Variants in TRAF3IP3 observed in about 807,000 individuals in gnomAD.
TRAF3IP3 encodes the protein TRAF3-interacting JNK-activating modulator.
Under a neutral mutation model 86.5 loss-of-function variants are expected in TRAF3IP3, and 64 were observed. The ratio of observed to expected loss-of-function variants is 0.74; its 90% CI spans 0.60 to 0.91. The LOEUF (loss-of-function observed/expected upper bound fraction) is 0.91, where lower values mean the gene tolerates loss of function less well. TRAF3IP3 is among the 40% of genes least tolerant of loss of function. The pLI, the probability that TRAF3IP3 is intolerant of heterozygous loss-of-function variation, is 0.00. For synonymous variants in TRAF3IP3, 220 were observed against 243.9 expected (o/e 0.90, Z 0.91); for missense variants, 579 against 642.9 (o/e 0.90, Z 1.07).
Position 209,760,055 on chromosome 1 carries a change from C to T in TRAF3IP3, c.16C>T (p.Pro6Ser), listed in dbSNP as rs151094826. 6.6e-4 allele frequency: 1,057 copies of T among 1,613,660 alleles called. 3 individuals are homozygous for T. Among genetic ancestry groups the T allele is most frequent in the Non-Finnish European group, 8.7e-4 (1,027 of 1,179,770 alleles). MISPDPRPSPGLARWA... is the reference protein window; with the variant it reads MISPDSRPSPGLARWA... ...GGAGGTCATCATGATCAGCCCAGAC[C>T]CCAGGCCCTCCCCTGGCTTGGCCCG... is the stretch of plus-strand genomic sequence containing the variant. The change falls in exon 3 of 17, where the codon CCC becomes TCC. Residue 6 changes from proline (P) to serine (S), a missense_variant. By Grantham distance (74) the Pro-to-Ser change is moderately conservative. Coordinates refer to ENST00000367025, the MANE Select transcript of TRAF3IP3 (RefSeq NM_025228.4).
intron 12 of TRAF3IP3, 109 bp from the exon 13 acceptor site, chr1:209,778,002 C>T: frequency 1.0e-6 from 1 of 959,688 alleles, no homozygotes. Context: ...CCAATAGACA[C>T]ACGTTAAAGA....
chr1:209,777,344 C>T lies in TRAF3IP3; in HGVS notation c.1054-8C>T. The T allele has an allele frequency of 6.2e-7, 1 of 1,613,142 alleles. No individual in the cohort carries two copies. On this transcript the variant is annotated splice_region_variant and splice_polypyrimidine_tract_variant and intron_variant, in intron 11 of 16. Transcript: ENST00000367025. Reference sequence around the variant, plus strand: ...TCCTTCTATATTGGCCCTTCCTCCTCCTTACAGGGAGCAGATAGCAGGGAC... The same window carrying T: ...TCCTTCTATATTGGCCCTTCCTCCTTCTTACAGGGAGCAGATAGCAGGGAC...
chr1:209,779,746 G>C, intron 14 of TRAF3IP3: 1 of 554,186 alleles, frequency 1.8e-6, no homozygotes, highest in Non-Finnish European at 3.2e-6. Flanking sequence ...TCAACTCACT[G>C]TTAGCCCTAG....
chr1:209,770,333 G>A (rs2077441490), intron 8 of TRAF3IP3, among the ~76,000 whole-genome samples: 1 of 152,096 alleles, frequency 6.6e-6, no homozygotes, highest in Non-Finnish European at 1.5e-5. Context: ...GTGGAGGTGT[G>A]TGTGTGGAGA....
chr1:209,776,066 C>T lies in TRAF3IP3; in HGVS notation c.1053+330C>T, dbSNP rs570417256. Reference sequence around the variant, plus strand: ...CTCTCCAAACTCCATCCCAAAAAAGCATCCAGTTCAGAATTGCCCACTGTT... The same window carrying T: ...CTCTCCAAACTCCATCCCAAAAAAGTATCCAGTTCAGAATTGCCCACTGTT... On this transcript the variant is annotated intron_variant, in intron 11 of 16. Coordinates refer to ENST00000367025, the MANE Select transcript of TRAF3IP3 (RefSeq NM_025228.4). 14 of 213,404 alleles carry T rather than the reference C, an allele frequency of 6.6e-5. No homozygotes were observed. The South Asian group carries it at 1.9e-3, about 29-fold the overall frequency. 13.2% of individuals were successfully genotyped at this position (213,404 alleles called of 1,614,324 possible).
chr1:209,770,174 AAT>A (rs2077436770), intron 8 of TRAF3IP3, among the ~76,000 whole-genome samples: 1 of 152,228 alleles, frequency 6.6e-6, no homozygotes, highest in East Asian at 1.9e-4. Flanking sequence ...CCAGCTTATG[AAT>A]AAATAGAATG....
chr1:209,759,702 G>A (rs1223448585), intron 2 of TRAF3IP3, among the ~76,000 whole-genome samples: 1 of 152,202 alleles, frequency 6.6e-6, no homozygotes, highest in Non-Finnish European at 1.5e-5. Flanking sequence ...ATGGTAAGAT[G>A]TTCAGTCAAG....
intron 2 of TRAF3IP3, 145 bp downstream of exon 2, chr1:209,759,279 C>G (rs985365489): frequency 1.3e-5 from 2 of 152,278 alleles, no homozygotes; most frequent in African/African-American, 4.8e-5. Context: ...AGACACAGCC[C>G]AGTCCTGAGC....
chr1:209,767,449 A>G (rs967444597), intron 8 of TRAF3IP3, among the ~76,000 whole-genome samples: 1 of 152,148 alleles, frequency 6.6e-6, no homozygotes, highest in Non-Finnish European at 1.5e-5. Flanking sequence ...TAATCCCAAC[A>G]CTTTGGGGGG....
At chr1:209,770,922 G>T (rs1269771451) in intron 8 of TRAF3IP3, among the ~76,000 whole-genome samples, 1 of 146,346 alleles carries the variant, frequency 6.8e-6, no homozygotes, top group Non-Finnish European at 1.5e-5. Context: ...GCAGGTGAAG[G>T]TGTGCGTGTG....
intron 1 of TRAF3IP3, among the ~76,000 whole-genome samples, chr1:209,756,719 A>C (rs2077160734): frequency 6.6e-6 from 1 of 152,238 alleles, no homozygotes; most frequent in South Asian, 2.1e-4. Flanking sequence ...CTGGGCCAGG[A>C]AGGCCAACCC....
At chr1:209,765,233 GGAAGGA>G (rs2077330139) in intron 8 of TRAF3IP3, among the ~76,000 whole-genome samples, 7 of 88,036 alleles carry the variant, frequency 8.0e-5, no homozygotes, top group East Asian at 3.3e-4. Flanking sequence ...GAGAGAGGAA[GGAAGGA>G]AGGAAGGAAG....
Position 209,780,622 on chromosome 1 carries a change from G to A in TRAF3IP3, c.1449+16G>A. On this transcript the variant is annotated intron_variant, in intron 15 of 16. Coordinates refer to ENST00000367025, the MANE Select transcript of TRAF3IP3 (RefSeq NM_025228.4). The stretch of plus-strand genomic sequence containing the variant: ...GGAAAAGGAGGTGAGAGGGTGACCT[G>A]AGATAGTGAGGGCTCATTTGCGAAA... 9 of 1,545,648 alleles carry A rather than the reference G, an allele frequency of 5.8e-6. No homozygotes were observed. Among genetic ancestry groups the A allele is most frequent in the Non-Finnish European group, 7.9e-6 (9 of 1,141,030 alleles).
Position 209,761,335 on chromosome 1 carries a change from G to A in TRAF3IP3, c.345+951G>A, listed in dbSNP as rs142109233. Among the ~76,000 whole-genome samples, 411 of 152,306 alleles carry A rather than the reference G, an allele frequency of 2.7e-3. 4 individuals are homozygous for A. The highest frequency in any genetic ancestry group is 9.4e-3 in the African/African-American group (390 of 41,568). ...AACCCTTAGAGGGCCCATTAGTCTGGCCTGGAAAGGAACAATGTTGGCAAA... is the reference window on the plus strand; with the variant it reads ...AACCCTTAGAGGGCCCATTAGTCTGACCTGGAAAGGAACAATGTTGGCAAA... On this transcript the variant is annotated intron_variant, in intron 3 of 16. Coordinates refer to ENST00000367025, the MANE Select transcript of TRAF3IP3 (RefSeq NM_025228.4).
chr1:209,762,790 T>C (rs547951975), intron 4 of TRAF3IP3, 23 bp from the exon 5 acceptor site: 3 of 1,613,944 alleles, frequency 1.9e-6, no homozygotes, highest in East Asian at 2.2e-5. Context: ...AAGTTCTAAA[T>C]CAACTTATCC....
intron 8 of TRAF3IP3, among the ~76,000 whole-genome samples, chr1:209,765,164 G>A (rs2077318901): frequency 1.5e-5 from 2 of 135,122 alleles, no homozygotes; most frequent in African/African-American, 5.7e-5. Context: ...GACAGAGCAG[G>A]ACTCTGAGAG....
rs1296692036 is a variant in TRAF3IP3, at chr1:209,760,069, T to C, written c.30T>C (p.Pro10=). MISPDPRPS[P]GLARWAESYE... is the part of the protein sequence containing the mutation. ...TCAGCCCAGACCCCAGGCCCTCCCC[T>C]GGCTTGGCCCGGTGGGCTGAGAGCT... The change falls in exon 3 of 17, where the codon CCT becomes CCC. Residue 10 remains proline, a synonymous_variant. Coordinates refer to ENST00000367025, the MANE Select transcript of TRAF3IP3 (RefSeq NM_025228.4). The C allele has an allele frequency of 6.2e-7, 1 of 1,613,972 alleles. No homozygotes were observed. The highest frequency in any genetic ancestry group is 1.3e-5 in the African/African-American group (1 of 75,022).
intron 8 of TRAF3IP3, among the ~76,000 whole-genome samples, chr1:209,765,228 AG>A (rs2077328745): frequency 1.4e-4 from 3 of 21,300 alleles, no homozygotes. Context: ...AGAGAGAGAG[AG>A]GAAGGAAGGA....
At chr1:209,764,551 G>A (rs1418408136) in intron 8 of TRAF3IP3, among the ~76,000 whole-genome samples, 1 of 152,042 alleles carries the variant, frequency 6.6e-6, no homozygotes, top group South Asian at 2.1e-4. Flanking sequence ...AGACCAGCCT[G>A]GCCAACATGG....
Sources: gnomAD v4.1 joint callset for allele counts (sites outside exome capture counted in the v4.1 genomes callset) on GRCh38, gnomAD v4.1.1 for gene constraint, MANE v1.5 for transcripts, NCBI Gene and HGNC (gene_info 2026-07-23, HGNC 2026-07-21) for gene names.